The following NXPE2 variants were observed in gnomAD, a reference collection of about 807,000 sequenced individuals.
NXPE2 encodes neurexophilin and PC-esterase domain family member 2, also known as NXPE family member 2.
In NXPE2, 34 loss-of-function variants were observed where a neutral mutation model predicts 34.4. The ratio of observed to expected loss-of-function variants is 0.99; its 90% CI spans 0.75 to 1.31. NXPE2 has a LOEUF of 1.31. Ranked by LOEUF, NXPE2 falls within the 40% of genes most tolerant of loss-of-function variation. NXPE2 has a pLI of 0.00. For missense variants in NXPE2, 649 were observed against 672.5 expected (o/e 0.97, Z 0.39); for synonymous variants, 235 against 231.3 (o/e 1.02, Z -0.15).
At chr11:114,635,598 G>C in the NXPE2 span, among the ~76,000 whole-genome samples, 1 of 151,792 alleles carries the variant, frequency 6.6e-6, no homozygotes, top group Non-Finnish European at 1.5e-5. Flanking sequence ...ATTGGCTGTG[G>C]GTTTGTCATA....
At chr11:114,548,737 TA>T in the NXPE2 span, among the ~76,000 whole-genome samples, 291 of 151,820 alleles carry the variant, frequency 1.9e-3, no homozygotes, top group African/African-American at 6.8e-3. Flanking sequence ...AACACCCAGT[TA>T]AAAAGTTAGA....
the NXPE2 span, among the ~76,000 whole-genome samples, chr11:114,585,806 T>C: frequency 0.18 from 28,094 of 151,998 alleles, 2,878 homozygotes; most frequent in African/African-American, 0.27. Context: ...GCTGCAAACA[T>C]AGATAAGCCA....
chr11:114,465,674 A>G, the NXPE2 span, among the ~76,000 whole-genome samples: 1 of 152,130 alleles, frequency 6.6e-6, no homozygotes, highest in Non-Finnish European at 1.5e-5. Flanking sequence ...TTATTTCCAT[A>G]GTTATTTATT....
At chr11:114,548,595 T>C in the NXPE2 span, among the ~76,000 whole-genome samples, 1 of 152,012 alleles carries the variant, frequency 6.6e-6, no homozygotes, top group East Asian at 1.9e-4. Flanking sequence ...ATAAAATCAA[T>C]TGGGTATTTT....
chr11:114,750,419 TA>T, the NXPE2 span, among the ~76,000 whole-genome samples: 1 of 152,356 alleles, frequency 6.6e-6, no homozygotes, highest in South Asian at 2.1e-4. Flanking sequence ...TTAGGTAATA[TA>T]ATTTGTTGAA....
chr11:114,544,784 A>G, the NXPE2 span, among the ~76,000 whole-genome samples: 1 of 152,180 alleles, frequency 6.6e-6, no homozygotes, highest in South Asian at 2.1e-4. Flanking sequence ...ATGCAGAGAT[A>G]AGCCATAGAG....
rs767279182 is a variant in NXPE2 at position 114,678,552 on chromosome 11, T to A, written c.-24T>A. On this transcript the variant is annotated 5_prime_UTR_variant, in exon 1 of 6. Coordinates refer to ENST00000389586, the MANE Select transcript of NXPE2 (RefSeq NM_182495.6). ...AATCAAGGAGAGTCTCTGGACACTATAATTCCTGTGAGAACACGAGAAGAT... is the reference window on the plus strand; with the variant it reads ...AATCAAGGAGAGTCTCTGGACACTAAAATTCCTGTGAGAACACGAGAAGAT... The A allele has an allele frequency of 7.8e-6, 12 of 1,540,220 alleles. No homozygotes were observed. In the African/African-American group the frequency reaches 1.1e-4, roughly 14 times the overall value.
chr11:114,662,971 T>C, the NXPE2 span, among the ~76,000 whole-genome samples: 1 of 152,104 alleles, frequency 6.6e-6, no homozygotes. Flanking sequence ...TCAGCCACAA[T>C]GGAGGAGAGC....
At chr11:114,804,650 G>A in the NXPE2 span, among the ~76,000 whole-genome samples, 1 of 152,170 alleles carries the variant, frequency 6.6e-6, no homozygotes, top group African/African-American at 2.4e-5. Flanking sequence ...CTTCATTTTT[G>A]TCTACATAGT....
the NXPE2 span, among the ~76,000 whole-genome samples, chr11:114,633,108 A>T: frequency 8.3e-6 from 1 of 120,566 alleles, no homozygotes; most frequent in Non-Finnish European, 1.6e-5. Context: ...TATATTTTAC[A>T]TTATATTTTA....
the NXPE2 span, among the ~76,000 whole-genome samples, chr11:114,487,165 T>G: frequency 6.6e-6 from 1 of 152,138 alleles, no homozygotes; most frequent in Non-Finnish European, 1.5e-5. Context: ...GAAAAAAGTT[T>G]CTTGCATCAG....
At chr11:114,682,760 C>T (rs990152177) in intron 2 of NXPE2, among the ~76,000 whole-genome samples, 2 of 151,378 alleles carry the variant, frequency 1.3e-5, no homozygotes, top group Admixed American at 6.6e-5. Context: ...TTGTAGTGCA[C>T]AGAATATTAT....
chr11:114,624,486 T>G, the NXPE2 span, among the ~76,000 whole-genome samples: 1 of 151,744 alleles, frequency 6.6e-6, no homozygotes, highest in Non-Finnish European at 1.5e-5. Flanking sequence ...GTATTGCCCA[T>G]GGGTAAGCCC....
At chr11:114,786,355 A>ACG in the NXPE2 span, among the ~76,000 whole-genome samples, 1 of 127,220 alleles carries the variant, frequency 7.9e-6, no homozygotes, top group Non-Finnish European at 1.7e-5. Context: ...AGATCTTTCT[A>ACG]CCCCCGCCCC....
chr11:114,789,993 A>G, the NXPE2 span, among the ~76,000 whole-genome samples: 1 of 152,150 alleles, frequency 6.6e-6, no homozygotes, highest in South Asian at 2.1e-4. Flanking sequence ...AATTCCCTAC[A>G]ATGAACTCAA....
In NXPE2 at chr11:114,707,058, T is replaced by C; in HGVS notation, c.*128T>C. ...AAAAGTTCTATTAAAGTTAAATATATGTAACATAACATTTACCATTTAAGC... is the reference window on the plus strand; with the variant it reads ...AAAAGTTCTATTAAAGTTAAATATACGTAACATAACATTTACCATTTAAGC... On this transcript the variant is annotated 3_prime_UTR_variant, in exon 6 of 6. Coordinates refer to ENST00000389586, the MANE Select transcript of NXPE2 (RefSeq NM_182495.6). 2.9e-6 allele frequency: 2 copies of C among 680,782 alleles called. No homozygotes were observed. The highest frequency in any genetic ancestry group is 3.0e-5 in the Admixed American group (1 of 33,764). 42.2% of individuals were successfully genotyped at this position (680,782 alleles called of 1,614,324 possible).
At chr11:114,626,496 G>T in the NXPE2 span, among the ~76,000 whole-genome samples, 64 of 152,254 alleles carry the variant, frequency 4.2e-4, no homozygotes, top group Middle Eastern at 0.01. Context: ...TAACAGAAAG[G>T]ACATCCACAC....
At chr11:114,540,087 C>T in the NXPE2 span, among the ~76,000 whole-genome samples, 1 of 152,204 alleles carries the variant, frequency 6.6e-6, no homozygotes, top group Non-Finnish European at 1.5e-5. Flanking sequence ...GCCTGAATAG[C>T]TGGGATTACA....
the NXPE2 span, among the ~76,000 whole-genome samples, chr11:114,810,670 T>C: frequency 1.3e-5 from 2 of 151,938 alleles, no homozygotes; most frequent in Non-Finnish European, 1.5e-5. Flanking sequence ...ATGGCGATCA[T>C]TAAAAAGTCA....
Sources: allele counts gnomAD v4.1 joint callset (sites outside exome capture counted in the v4.1 genomes callset), GRCh38; gene constraint gnomAD v4.1.1; transcripts MANE v1.5; gene names NCBI Gene and HGNC (gene_info 2026-07-23, HGNC 2026-07-21).